The following GATAD2B variants were observed in gnomAD, a reference collection of about 807,000 sequenced individuals.
GATAD2B encodes GATA zinc finger domain containing 2B, also known as transcriptional repressor p66-beta.
A neutral mutation model predicts 64.3 loss-of-function variants in GATAD2B; 8 were observed. The ratio of observed to expected loss-of-function variants is 0.12; its 90% CI spans 0.07 to 0.22. The LOEUF (loss-of-function observed/expected upper bound fraction) is 0.22. Among genes scored for constraint, GATAD2B ranks in the 10% least tolerant of loss-of-function variants. The pLI, the probability that GATAD2B is intolerant of heterozygous loss-of-function variation, is 1.00. For missense variants in GATAD2B, 453 were observed against 752.0 expected, an observed-to-expected ratio of 0.60 and a Z score of 4.65; for synonymous variants, 281 against 271.3, an observed-to-expected ratio of 1.04 and a Z score of -0.35.
At chr1:153,907,989 G>C (rs1304096985) in intron 1 of GATAD2B, among the ~76,000 whole-genome samples, 1 of 152,148 alleles carries the variant, frequency 6.6e-6, no homozygotes, top group East Asian at 1.9e-4. Flanking sequence ...ATTTTTAGTA[G>C]AGACTGGGTT....
At chr1:153,861,060 G>C (rs1676262642) in intron 1 of GATAD2B, among the ~76,000 whole-genome samples, 1 of 152,162 alleles carries the variant, frequency 6.6e-6, no homozygotes, top group Non-Finnish European at 1.5e-5. Flanking sequence ...GCTAGGCAGA[G>C]GAGAGAAAGT....
chr1:153,817,065 G>C (rs1234751045), intron 6 of GATAD2B, among the ~76,000 whole-genome samples: 1 of 152,078 alleles, frequency 6.6e-6, no homozygotes, highest in African/African-American at 2.4e-5. Flanking sequence ...ACAAAAAAGA[G>C]ACAGAAATAA....
At chr1:153,903,078 C>T (rs1419116882) in intron 1 of GATAD2B, among the ~76,000 whole-genome samples, 2 of 151,954 alleles carry the variant, frequency 1.3e-5, no homozygotes, top group African/African-American at 4.8e-5. Flanking sequence ...ATTAGCCGGG[C>T]GTGGTGGCGG....
intron 1 of GATAD2B, among the ~76,000 whole-genome samples, chr1:153,915,330 G>A (rs1295463346): frequency 2.6e-5 from 4 of 152,174 alleles, no homozygotes; most frequent in Admixed American, 6.5e-5. Flanking sequence ...GGCTGCGGCA[G>A]GAGAATCACT....
At chr1:153,891,319 G>C (rs1677391543) in intron 1 of GATAD2B, among the ~76,000 whole-genome samples, 1 of 151,792 alleles carries the variant, frequency 6.6e-6, no homozygotes, top group Non-Finnish European at 1.5e-5. Context: ...AGTAATCCCA[G>C]CATTTTGGGA....
In GATAD2B at chr1:153,819,608, T is replaced by C. The variant is rs1315959077; in HGVS notation, c.463A>G (p.Lys155Glu). The change falls in exon 3 of 11, where the codon AAG becomes GAG. Residue 155 changes from lysine to glutamate, a missense_variant and splice_region_variant. Around this residue, in one of 2 missense-constraint regions of GATAD2B, gnomAD observed 293 missense variants for 417.2 expected, o/e 0.70. Coordinates refer to ENST00000368655, the MANE Select transcript of GATAD2B (RefSeq NM_020699.4). ...RLKAANLEMF[K>E]GKGIEERQQL... ...AAGAAATTTTTCTTTCTTTTTACCT[T>C]AAACATCTCTAAGTTGGCTGCTTTG... The C allele has an allele frequency of 6.3e-7, 1 of 1,592,430 alleles. No individual in the cohort carries two copies. Among genetic ancestry groups the C allele is most frequent in the African/African-American group, 1.4e-5 (1 of 73,672 alleles).
At chr1:153,848,913 A>C (rs1172564543) in intron 1 of GATAD2B, among the ~76,000 whole-genome samples, 1 of 152,158 alleles carries the variant, frequency 6.6e-6, no homozygotes, top group African/African-American at 2.4e-5. Context: ...ATATCGCGCC[A>C]CTGCACTCTG....
intron 1 of GATAD2B, among the ~76,000 whole-genome samples, chr1:153,918,325 T>C (rs1678333564): frequency 6.6e-6 from 1 of 152,246 alleles, no homozygotes; most frequent in Admixed American, 6.5e-5. Flanking sequence ...CTCCACAACC[T>C]GTGTTCCACT....
At position 153,816,573 on chromosome 1, in the gene GATAD2B, C is replaced by G. The variant is rs1465103049; in HGVS notation, c.916G>C (p.Val306Leu). The change falls in exon 7 of 11, where the codon GTT becomes CTT. Residue 306 changes from valine to leucine, a missense_variant. Around this residue, in one of 2 missense-constraint regions of GATAD2B, gnomAD observed 293 missense variants for 417.2 expected, o/e 0.70. Coordinates refer to ENST00000368655, the MANE Select transcript of GATAD2B (RefSeq NM_020699.4). This position sits in a 1 kb window ranked among gnomAD's most constrained non-coding sequence, Gnocchi z 4.9. ...INYQPQSSSS[V>L]PCQRTTSSAI... ...GAGGATGTTGTACGCTGACATGGAA[C>G]AGAAGAACTTGACTGCTGAAATAGA... 4 of 1,609,894 alleles carry G rather than the reference C, an allele frequency of 2.5e-6. No homozygotes were observed. The highest frequency in any genetic ancestry group is 3.4e-6 in the Non-Finnish European group (4 of 1,176,542).
At chr1:153,894,159 T>G (rs1677509029) in intron 1 of GATAD2B, among the ~76,000 whole-genome samples, 1 of 151,824 alleles carries the variant, frequency 6.6e-6, no homozygotes, top group African/African-American at 2.4e-5. Flanking sequence ...GGGTAATGAC[T>G]AGGAGAGAAC....
chr1:153,896,264 T>C (rs745553632), intron 1 of GATAD2B, among the ~76,000 whole-genome samples: 1 of 151,990 alleles, frequency 6.6e-6, no homozygotes, highest in Non-Finnish European at 1.5e-5. Flanking sequence ...GCTCCTAATA[T>C]TAAGATAGTT....
At chr1:153,819,382 ACT>A (rs1674594299) in intron 3 of GATAD2B, among the ~76,000 whole-genome samples, 1 of 152,238 alleles carries the variant, frequency 6.6e-6, no homozygotes, top group African/African-American at 2.4e-5. Context: ...GATAAATAAC[ACT>A]GAGTATAATG....
intron 1 of GATAD2B, among the ~76,000 whole-genome samples, chr1:153,836,135 A>G (rs1675252754): frequency 6.6e-6 from 1 of 151,986 alleles, no homozygotes; most frequent in Non-Finnish European, 1.5e-5. Context: ...TCTCTGAGGT[A>G]TGTCTATACT....
chr1:153,879,673 G>C (rs1182076395), intron 1 of GATAD2B, among the ~76,000 whole-genome samples: 1 of 146,346 alleles, frequency 6.8e-6, no homozygotes, highest in Non-Finnish European at 1.5e-5. Flanking sequence ...TGAGGCAGGA[G>C]AATCGCTTGA....
At chr1:153,833,811 CAAAAAAAAA>C (rs71093292) in intron 1 of GATAD2B, among the ~76,000 whole-genome samples, 3 of 61,946 alleles carry the variant, frequency 4.8e-5, no homozygotes, top group African/African-American at 1.2e-4. Context: ...ACTCAGTCTC[CAAAAAAAAA>C]AAAAAAAAAA....
intron 1 of GATAD2B, among the ~76,000 whole-genome samples, chr1:153,857,256 GC>G (rs1367860517): frequency 2.6e-5 from 4 of 151,928 alleles, no homozygotes; most frequent in Non-Finnish European, 5.9e-5. Context: ...GACCAGCCTG[GC>G]CAACATAGTG....
At chr1:153,881,829 C>T in intron 1 of GATAD2B, among the ~76,000 whole-genome samples, 1 of 151,652 alleles carries the variant, frequency 6.6e-6, no homozygotes, top group East Asian at 1.9e-4. Context: ...GGAGGGTCCC[C>T]TTTCTTTCTC....
chr1:153,875,480 C>A (rs1417279357), intron 1 of GATAD2B, among the ~76,000 whole-genome samples: 2 of 152,052 alleles, frequency 1.3e-5, no homozygotes, highest in Admixed American at 6.6e-5. Context: ...TGATCTATAC[C>A]ATGCGGTTCT....
intron 1 of GATAD2B, among the ~76,000 whole-genome samples, chr1:153,862,118 CTTTTTTTTTT>C (rs754580519): frequency 5.9e-5 from 6 of 101,166 alleles, no homozygotes; most frequent in African/African-American, 1.1e-4. Flanking sequence ...ACATTATATC[CTTTTTTTTTT>C]TTTTTTTTTT....
Sources: gnomAD v4.1 joint callset for allele counts (sites outside exome capture counted in the v4.1 genomes callset) on GRCh38, gnomAD v4.1.1 for gene constraint, gnomAD v4.1.1 regional missense constraint, Gnocchi (gnomAD v3.1) non-coding constraint, MANE v1.5 for transcripts, NCBI Gene and HGNC (gene_info 2026-07-23, HGNC 2026-07-21) for gene names.